The following PHEX variants were observed in gnomAD, a reference collection of about 807,000 sequenced individuals.
PHEX encodes phosphate-regulating neutral endopeptidase PHEX.
A neutral mutation model predicts 68.0 loss-of-function variants in PHEX; 16 were observed. That is an observed-to-expected ratio of 0.24 (90% CI 0.16 to 0.36). PHEX has a LOEUF of 0.36. Ranked by LOEUF, PHEX falls within the 10% of genes least tolerant of loss-of-function variation. PHEX has a pLI of 1.00. For synonymous variants in PHEX, 208 were observed against 205.1 expected, an observed-to-expected ratio of 1.01 and a Z score of -0.12; for missense variants, 480 against 575.5, an observed-to-expected ratio of 0.83 and a Z score of 1.70.
intron 20 of PHEX, among the ~76,000 whole-genome samples, chrX:22,233,486 T>C: frequency 9.0e-6 from 1 of 111,457 alleles, no homozygotes; most frequent in Non-Finnish European, 1.9e-5. Flanking sequence ...AGTCCCATAT[T>C]TCTTGGAGGC....
intron 11 of PHEX, among the ~76,000 whole-genome samples, chrX:22,132,111 T>G (rs779727205): frequency 9.0e-6 from 1 of 111,044 alleles, no homozygotes; most frequent in Admixed American, 9.6e-5. Flanking sequence ...TTATTATTAT[T>G]TTTTTAGAGA....
intron 3 of PHEX, among the ~76,000 whole-genome samples, chrX:22,051,321 A>C (rs1927823042): frequency 8.9e-6 from 1 of 112,131 alleles, no homozygotes; most frequent in Non-Finnish European, 1.9e-5. Context: ...GCTTGAGGTC[A>C]GGAGTTCAAG....
At chrX:22,143,732 T>C (rs1380819886) in intron 12 of PHEX, among the ~76,000 whole-genome samples, 1 of 112,533 alleles carries the variant, frequency 8.9e-6, no homozygotes, top group Non-Finnish European at 1.9e-5. Flanking sequence ...CTTTGTAGCA[T>C]GTATCTTCTC....
At chrX:22,091,792 A>G (rs988379489) in intron 6 of PHEX, among the ~76,000 whole-genome samples, 2 of 112,111 alleles carry the variant, frequency 1.8e-5, no homozygotes, top group Non-Finnish European at 3.8e-5. Context: ...AAAGAGGTTT[A>G]ATGGACTCAC....
chrX:22,215,175 T>C (rs1935047698), intron 16 of PHEX, among the ~76,000 whole-genome samples: 2 of 111,615 alleles, frequency 1.8e-5, no homozygotes, highest in African/African-American at 6.5e-5. Flanking sequence ...TTAGTGTCTA[T>C]TTGTTTGTAC....
At chrX:22,135,943 G>T (rs1932209713) in intron 12 of PHEX, among the ~76,000 whole-genome samples, 1 of 111,493 alleles carries the variant, frequency 9.0e-6, no homozygotes, top group Admixed American at 9.5e-5. Flanking sequence ...GTTCAGAGAA[G>T]TTTCTTTAAC....
At chrX:22,080,064 A>G (rs1161581118) in intron 5 of PHEX, among the ~76,000 whole-genome samples, 1 of 111,678 alleles carries the variant, frequency 9.0e-6, no homozygotes, top group Non-Finnish European at 1.9e-5. Context: ...TAGGAAGTGC[A>G]CACTATCACC....
intron 21 of PHEX, among the ~76,000 whole-genome samples, chrX:22,247,246 C>A (rs1017183889): frequency 2.7e-5 from 3 of 112,431 alleles, no homozygotes; most frequent in African/African-American, 9.7e-5. Context: ...TGAATGAATT[C>A]TTTAAAAATA....
At chrX:22,157,191 G>C (rs1364132625) in intron 12 of PHEX, among the ~76,000 whole-genome samples, 2 of 111,929 alleles carry the variant, frequency 1.8e-5, no homozygotes, top group Non-Finnish European at 3.8e-5. Flanking sequence ...CTCCTGCCCA[G>C]TTTTAAAGGA....
At chrX:22,147,268 T>C (rs1052379984) in intron 12 of PHEX, among the ~76,000 whole-genome samples, 6 of 111,471 alleles carry the variant, frequency 5.4e-5, no homozygotes, top group Admixed American at 9.6e-5. Context: ...TTTAATTTCA[T>C]GGGGGAAAGA....
chrX:22,098,983 T>G (rs1930289577), intron 8 of PHEX, 23 bp from the exon 9 acceptor site: 2 of 1,202,156 alleles, frequency 1.7e-6, no homozygotes. Flanking sequence ...TCTCTCATTC[T>G]GTTTTGTTCT....
chrX:22,178,403 T>C (rs377349367), intron 14 of PHEX, 27 bp downstream of exon 14: 2 of 899,493 alleles, frequency 2.2e-6, no homozygotes, highest in African/African-American at 2.0e-5. Context: ...AAAAGTTAAA[T>C]AGATAAATAC....
chrX:22,195,814 C>G (rs190093521), intron 15 of PHEX, among the ~76,000 whole-genome samples: 1 of 111,469 alleles, frequency 9.0e-6, no homozygotes, highest in Non-Finnish European at 1.9e-5. Context: ...GTGACACATT[C>G]TTTATCTTGA....
intron 11 of PHEX, among the ~76,000 whole-genome samples, chrX:22,123,205 T>C (rs188335714): frequency 5.8e-4 from 63 of 109,508 alleles, no homozygotes; most frequent in African/African-American, 2.0e-3. Flanking sequence ...TCCAGGCTGG[T>C]CTTGGACTCG....
intron 12 of PHEX, among the ~76,000 whole-genome samples, chrX:22,138,814 C>T (rs1244867842): frequency 1.8e-5 from 2 of 112,357 alleles, no homozygotes; most frequent in South Asian, 3.7e-4. Flanking sequence ...CTGGCATCCA[C>T]TCCAGGGCTC....
At chrX:22,154,722 G>C (rs975520789) in intron 12 of PHEX, among the ~76,000 whole-genome samples, 1 of 111,682 alleles carries the variant, frequency 9.0e-6, no homozygotes, top group South Asian at 3.8e-4. Flanking sequence ...TAACTCAAGA[G>C]ATGTAGCATT....
intron 3 of PHEX, among the ~76,000 whole-genome samples, chrX:22,048,106 TG>T (rs1432403029): frequency 9.0e-6 from 1 of 111,499 alleles, no homozygotes; most frequent in African/African-American, 3.3e-5. Context: ...AAATTAAATA[TG>T]TATCATTTTA....
intron 20 of PHEX, among the ~76,000 whole-genome samples, chrX:22,231,005 C>G (rs138606394): frequency 0.016 from 1,741 of 111,939 alleles, 29 homozygotes; most frequent in African/African-American, 0.054. Context: ...TGAATTTTGT[C>G]AAAGGCCTTT....
chrX:22,108,966 G>A (rs2301309), intron 9 of PHEX, among the ~76,000 whole-genome samples: 18,202 of 108,130 alleles, frequency 0.17, 1,348 homozygotes, highest in East Asian at 0.29. Context: ...AAAATCTTGA[G>A]CGGTTTACAT....
Sources: gnomAD v4.1 joint callset for allele counts (sites outside exome capture counted in the v4.1 genomes callset) on GRCh38, gnomAD v4.1.1 for gene constraint, MANE v1.5 for transcripts, NCBI Gene and HGNC (gene_info 2026-07-23, HGNC 2026-07-21) for gene names.